The following DLG2 variants were observed in gnomAD, a reference collection of about 807,000 sequenced individuals.
DLG2 encodes the protein disks large homolog 2.
In DLG2, 45 loss-of-function variants were observed where a neutral mutation model predicts 132.5. That is an observed-to-expected ratio of 0.34 (90% CI 0.27 to 0.44). DLG2 has a LOEUF of 0.44. Ranked by LOEUF, DLG2 falls within the 20% of genes least tolerant of loss-of-function variation. DLG2 has a pLI of 1.00. For synonymous variants in DLG2, 424 were observed against 419.6 expected, an observed-to-expected ratio of 1.01 and a Z score of -0.13; for missense variants, 1,045 against 1,196.9, an observed-to-expected ratio of 0.87 and a Z score of 1.87.
intron 15 of DLG2, among the ~76,000 whole-genome samples, chr11:83,910,125 G>A (rs903159742): frequency 6.6e-6 from 1 of 152,124 alleles, no homozygotes; most frequent in Non-Finnish European, 1.5e-5. Context: ...GAAGTGGAGT[G>A]TAGACTACAT....
intron 6 of DLG2, among the ~76,000 whole-genome samples, chr11:84,766,391 T>C (rs189598326): frequency 6.6e-6 from 1 of 152,172 alleles, no homozygotes; most frequent in African/African-American, 2.4e-5. Context: ...ACAGTGACCA[T>C]GTCTTCTTTT....
At position 85,026,603 on chromosome 11, in the gene DLG2, C is replaced by T. The variant is rs112156415; in HGVS notation, c.357+85058G>A. On this transcript the variant is annotated intron_variant, in intron 6 of 27. Transcript: ENST00000376104. ...CTATAATCCCAGCACTTTAGGAGGC[C>T]GAGGCAGGAGGATCACAAGGTCAGG... 3.8e-3 allele frequency among the ~76,000 whole-genome samples: 571 copies of T among 152,078 alleles called. 6 individuals are homozygous for T. The highest frequency in any genetic ancestry group is 0.013 in the African/African-American group (524 of 41,494).
chr11:83,640,219 CT>C (rs2066085608), intron 18 of DLG2, among the ~76,000 whole-genome samples: 1 of 152,158 alleles, frequency 6.6e-6, no homozygotes, highest in Non-Finnish European at 1.5e-5. Flanking sequence ...AAGAGACCAC[CT>C]GCTGTACACA....
chr11:84,620,909 T>G (rs1338423373), intron 6 of DLG2, among the ~76,000 whole-genome samples: 1 of 152,136 alleles, frequency 6.6e-6, no homozygotes, highest in Non-Finnish European at 1.5e-5. Flanking sequence ...GCTGCATTGT[T>G]TGCAGTAGCA....
At chr11:85,020,591 TA>T (rs901263050) in intron 6 of DLG2, among the ~76,000 whole-genome samples, 114 of 152,306 alleles carry the variant, frequency 7.5e-4, no homozygotes, top group African/African-American at 2.6e-3. Flanking sequence ...TTTATGGTTT[TA>T]GGTCTAACAT....
At chr11:85,397,125 A>G (rs1379706077) in intron 3 of DLG2, among the ~76,000 whole-genome samples, 1 of 152,200 alleles carries the variant, frequency 6.6e-6, no homozygotes, top group Non-Finnish European at 1.5e-5. Context: ...GCCAATATTC[A>G]ACATTCTTAA....
At chr11:85,395,720 C>G (rs2087277592) in intron 3 of DLG2, among the ~76,000 whole-genome samples, 1 of 97,600 alleles carries the variant, frequency 1.0e-5, no homozygotes, top group Non-Finnish European at 2.7e-5. Flanking sequence ...TCTGCCATTG[C>G]TGAGGCTTGA....
intron 3 of DLG2, among the ~76,000 whole-genome samples, chr11:85,484,050 C>A (rs947704598): frequency 1.3e-5 from 2 of 152,060 alleles, no homozygotes; most frequent in Non-Finnish European, 2.9e-5. Flanking sequence ...AATACCGGCA[C>A]GAGACCGATA....
At chr11:85,589,899 G>A (rs926004964) in intron 3 of DLG2, among the ~76,000 whole-genome samples, 1 of 151,964 alleles carries the variant, frequency 6.6e-6, no homozygotes, top group Admixed American at 6.6e-5. Flanking sequence ...GAGAGTTTGT[G>A]CCCAGTCAAA....
At chr11:84,744,998 C>G (rs1344571758) in intron 6 of DLG2, among the ~76,000 whole-genome samples, 2 of 150,648 alleles carry the variant, frequency 1.3e-5, no homozygotes, top group Non-Finnish European at 2.9e-5. Flanking sequence ...ATTTCTCGCA[C>G]CAAGCACTGA....
At chr11:83,491,651 A>G (rs1056733207) in intron 21 of DLG2, among the ~76,000 whole-genome samples, 2 of 151,970 alleles carry the variant, frequency 1.3e-5, no homozygotes, top group Admixed American at 1.3e-4. Flanking sequence ...TATATGCTGG[A>G]TTTTACGATG....
At chr11:85,414,192 A>G (rs909997828) in intron 3 of DLG2, among the ~76,000 whole-genome samples, 1 of 151,950 alleles carries the variant, frequency 6.6e-6, no homozygotes, top group Admixed American at 6.6e-5. Context: ...CAATTTGATT[A>G]TCAGCTTTGT....
chr11:85,180,781 G>A (rs1197746347), intron 4 of DLG2, among the ~76,000 whole-genome samples: 4 of 151,804 alleles, frequency 2.6e-5, no homozygotes, highest in Non-Finnish European at 5.9e-5. Context: ...ATCCACAAAA[G>A]CAGAGACTTG....
Position 84,873,078 on chromosome 11 carries a change from C to T in DLG2, c.357+238583G>A, listed in dbSNP as rs141380398. 1.5e-3 allele frequency among the ~76,000 whole-genome samples: 229 copies of T among 152,298 alleles called. 2 individuals carry two copies. The highest frequency in any genetic ancestry group is 4.9e-3 in the African/African-American group (203 of 41,566). ...TCAATTGCCAGAACCTTTGACTATTCCCTTACATGGCAAAAGGGATTTCAT... is the reference window on the plus strand; with the variant it reads ...TCAATTGCCAGAACCTTTGACTATTTCCTTACATGGCAAAAGGGATTTCAT... On this transcript the variant is annotated intron_variant, in intron 6 of 27. Coordinates refer to ENST00000376104, the MANE Select transcript of DLG2 (RefSeq NM_001142699.3).
At chr11:84,964,380 C>T (rs2053030071) in intron 6 of DLG2, among the ~76,000 whole-genome samples, 1 of 151,958 alleles carries the variant, frequency 6.6e-6, no homozygotes, top group Non-Finnish European at 1.5e-5. Context: ...TTTAATTCTG[C>T]CACTACTCAT....
In DLG2 at chr11:84,704,422, T is replaced by C. The variant is rs369679871; in HGVS notation, c.358-169691A>G. On this transcript the variant is annotated intron_variant, in intron 6 of 27. Transcript: ENST00000376104. ...TAGCCCATTTAGCTCTATAAAACTATGGGACGTTATTTATTACTCTGGGCC... is the reference window on the plus strand; with the variant it reads ...TAGCCCATTTAGCTCTATAAAACTACGGGACGTTATTTATTACTCTGGGCC... Among the ~76,000 whole-genome samples, 11 of 151,560 alleles carry C rather than the reference T, an allele frequency of 7.3e-5. No individual in the cohort carries two copies. The East Asian group carries it at 1.9e-3, about 27-fold the overall frequency.
chr11:85,520,775 C>T (rs548228228), intron 3 of DLG2, among the ~76,000 whole-genome samples: 46 of 152,080 alleles, frequency 3.0e-4, no homozygotes, highest in African/African-American at 9.6e-4. Context: ...GGATAGTCTC[C>T]TCAATAAAGG....
chr11:83,917,050 C>T (rs769512112), intron 15 of DLG2, among the ~76,000 whole-genome samples: 26 of 152,268 alleles, frequency 1.7e-4, no homozygotes, highest in Non-Finnish European at 1.5e-4. Flanking sequence ...CCTGAGGATG[C>T]ACTATTAGCT....
At chr11:84,910,569 C>T (rs377531549) in intron 6 of DLG2, among the ~76,000 whole-genome samples, 16 of 152,102 alleles carry the variant, frequency 1.1e-4, no homozygotes, top group African/African-American at 2.9e-4. Context: ...AGTGTTTAGC[C>T]CATAAGAGAG....
Sources: allele counts gnomAD v4.1 joint callset (sites outside exome capture counted in the v4.1 genomes callset), GRCh38; gene constraint gnomAD v4.1.1; transcripts MANE v1.5; gene names NCBI Gene and HGNC (gene_info 2026-07-23, HGNC 2026-07-21).